Variants in EPSTI1 observed in about 807,000 individuals in gnomAD.
EPSTI1 encodes epithelial-stromal interaction protein 1.
In EPSTI1, 66 loss-of-function variants were observed where a neutral mutation model predicts 49.9. The ratio of observed to expected loss-of-function variants is 1.32; its 90% CI spans 1.08 to 1.62. The LOEUF is 1.62. Ranked by LOEUF, EPSTI1 falls within the 40% of genes most tolerant of loss-of-function variation. The pLI, the probability that EPSTI1 is intolerant of heterozygous loss-of-function variation, is 0.00. For synonymous variants in EPSTI1, 137 were observed against 130.7 expected, an observed-to-expected ratio of 1.05 and a Z score of -0.33; for missense variants, 394 against 365.5, an observed-to-expected ratio of 1.08 and a Z score of -0.64.
At chr13:42,990,175 G>GA (rs35599695) in intron 1 of EPSTI1, among the ~76,000 whole-genome samples, 3,649 of 112,540 alleles carry the variant, frequency 0.032, 98 homozygotes, top group South Asian at 0.11. Flanking sequence ...TTCACATGAG[G>GA]AAAAAAAAAA....
Position 42,888,023 on chromosome 13 carries a change from A to G in EPSTI1, c.*471T>C, listed in dbSNP as rs1566088082. The G allele has an allele frequency of 2.2e-5, 8 of 364,370 alleles. No homozygotes were observed. Among genetic ancestry groups the G allele is most frequent in the Non-Finnish European group, 3.9e-5 (8 of 205,404 alleles). The allele number at this position is 364,370 out of a possible 1,614,324, so 22.6% of individuals were successfully genotyped here. ...TCAAAATTTATTTATAAATTTGTGT[A>G]AAAGAATATAAGACCTTTTTCTTTT... On this transcript the variant is annotated 3_prime_UTR_variant, in exon 11 of 11. Transcript: ENST00000313624.
At chr13:42,955,008 C>T (rs552430784) in intron 5 of EPSTI1, among the ~76,000 whole-genome samples, 3 of 152,216 alleles carry the variant, frequency 2.0e-5, no homozygotes, top group African/African-American at 7.2e-5. Context: ...TCTTCATTCA[C>T]TCAAAACTAA....
chr13:42,896,976 T>A (rs899862628), intron 9 of EPSTI1, among the ~76,000 whole-genome samples: 3 of 151,880 alleles, frequency 2.0e-5, no homozygotes, highest in African/African-American at 7.3e-5. Context: ...GGTGGGCACC[T>A]ATAGTCCCAG....
intron 6 of EPSTI1, among the ~76,000 whole-genome samples, chr13:42,939,455 AATGCTT>A (rs2038680614): frequency 6.6e-6 from 1 of 152,136 alleles, no homozygotes; most frequent in Non-Finnish European, 1.5e-5. Flanking sequence ...CTTTTACTTG[AATGCTT>A]ATGGGCCATT....
chr13:42,969,924 G>A (rs939388658), intron 2 of EPSTI1: 1 of 152,190 alleles, frequency 6.6e-6, no homozygotes, highest in Non-Finnish European at 1.5e-5. Flanking sequence ...TAAATCAAAA[G>A]CTTGTAAGAT....
At chr13:42,910,801 G>A (rs1169387908) in intron 8 of EPSTI1, among the ~76,000 whole-genome samples, 4 of 152,090 alleles carry the variant, frequency 2.6e-5, no homozygotes, top group Non-Finnish European at 4.4e-5. Context: ...CATGAGGTTG[G>A]AATTCCCAGA....
intron 1 of EPSTI1, among the ~76,000 whole-genome samples, chr13:42,981,291 A>C (rs76545330): frequency 0.012 from 1,790 of 152,296 alleles, 31 homozygotes; most frequent in African/African-American, 0.039. Context: ...ATTAACCTTA[A>C]TATGTATAAC....
At position 42,936,135 on chromosome 13, in the gene EPSTI1, C is replaced by T. The variant is rs74410405; in HGVS notation, c.564-9706G>A. 9.2e-3 allele frequency among the ~76,000 whole-genome samples: 1,404 copies of T among 152,240 alleles called. 38 individuals are homozygous for T. The South Asian group carries it at 0.098, about 11-fold the overall frequency. ...TCATTAAGCATTGGTTATGTATACT[C>T]AGGAACTTATTCATATATTCTTTCT... On this transcript the variant is annotated intron_variant, in intron 6 of 10. Coordinates refer to ENST00000313624, the MANE Select transcript of EPSTI1 (RefSeq NM_033255.5).
At chr13:42,917,455 C>A in intron 8 of EPSTI1, 86 bp downstream of exon 8, 1 of 1,144,638 alleles carries the variant, frequency 8.7e-7, no homozygotes, top group South Asian at 1.3e-5. Flanking sequence ...TTTCATGTGT[C>A]TAAATATTTC....
intron 6 of EPSTI1, among the ~76,000 whole-genome samples, chr13:42,948,137 G>A (rs1372678930): frequency 1.3e-5 from 2 of 152,264 alleles, no homozygotes; most frequent in Non-Finnish European, 2.9e-5. Context: ...GCATCCTGAA[G>A]GCTTCATCTA....
chr13:42,968,421 A>G (rs2039676186), intron 3 of EPSTI1, among the ~76,000 whole-genome samples: 2 of 152,168 alleles, frequency 1.3e-5, no homozygotes, highest in South Asian at 4.1e-4. Flanking sequence ...AAATCTGTGG[A>G]CACTGTGTGT....
At chr13:42,914,427 TA>T (rs1017820530) in intron 8 of EPSTI1, among the ~76,000 whole-genome samples, 42 of 146,398 alleles carry the variant, frequency 2.9e-4, no homozygotes, top group East Asian at 5.9e-4. Flanking sequence ...ATAATACAGT[TA>T]AAAAAAAAAA....
intron 8 of EPSTI1, among the ~76,000 whole-genome samples, chr13:42,908,483 T>TA (rs1566106781): frequency 0.013 from 783 of 61,136 alleles, 6 homozygotes; most frequent in Middle Eastern, 0.083. Context: ...GACTCTGTTA[T>TA]GAAAAAAAAA....
At chr13:42,892,161 G>C (rs2037055034) in intron 10 of EPSTI1, among the ~76,000 whole-genome samples, 1 of 152,244 alleles carries the variant, frequency 6.6e-6, no homozygotes, top group South Asian at 2.1e-4. Context: ...AGGAGAGCCA[G>C]AGGGCTAAGA....
chr13:42,915,918 CTGTT>C (rs1231816179), intron 8 of EPSTI1, among the ~76,000 whole-genome samples: 2 of 151,914 alleles, frequency 1.3e-5, no homozygotes, highest in African/African-American at 4.8e-5. Flanking sequence ...GTTAAGCATT[CTGTT>C]TGTCAAATGT....
Position 42,955,611 on chromosome 13 carries a change from G to T in EPSTI1, c.490-1590C>A, listed in dbSNP as rs191020355. Among the ~76,000 whole-genome samples the T allele has an allele frequency of 8.1e-4, 123 of 152,170 alleles. 1 individual carries two copies. Among genetic ancestry groups the T allele is most frequent in the Non-Finnish European group, 1.3e-3 (87 of 68,010 alleles). The stretch of plus-strand genomic sequence containing the variant: ...GAGGTCAGGAGTTCAAGACCAGTCT[G>T]GCCAACATGGTGAAATCTCATCTCT... On this transcript the variant is annotated intron_variant, in intron 5 of 10. Transcript: ENST00000313624.
At chr13:42,940,498 T>C (rs2038717592) in intron 6 of EPSTI1, among the ~76,000 whole-genome samples, 1 of 152,236 alleles carries the variant, frequency 6.6e-6, no homozygotes, top group Non-Finnish European at 1.5e-5. Context: ...ATATTTGCTT[T>C]ATTCATAATA....
At chr13:42,926,041 A>AAGGAAGGAAGGAAGGAAGGT (rs770941534) in intron 7 of EPSTI1, among the ~76,000 whole-genome samples, 1,403 of 137,986 alleles carry the variant, frequency 0.01, 22 homozygotes, top group Middle Eastern at 0.019. Flanking sequence ...GGAAGGAAGG[A>AAGGAAGGAAGGAAGGAAGGT]AGGAAGGTAG....
intron 6 of EPSTI1, among the ~76,000 whole-genome samples, chr13:42,945,009 G>C (rs914352521): frequency 2.6e-5 from 4 of 152,272 alleles, no homozygotes; most frequent in African/African-American, 7.2e-5. Flanking sequence ...TTCCTGATAA[G>C]ATCCAATTCA....
Sources: gnomAD v4.1 joint callset for allele counts (sites outside exome capture counted in the v4.1 genomes callset) on GRCh38, gnomAD v4.1.1 for gene constraint, MANE v1.5 for transcripts, NCBI Gene and HGNC (gene_info 2026-07-23, HGNC 2026-07-21) for gene names.